The following WWOX variants were observed in gnomAD, a reference collection of about 807,000 sequenced individuals.
The protein encoded by WWOX is WW domain-containing oxidoreductase.
In WWOX, 69 loss-of-function variants were observed where a neutral mutation model predicts 46.2. That is an observed-to-expected ratio of 1.49 (90% CI 1.23 to 1.82). The LOEUF is 1.82. Among genes scored for constraint, WWOX ranks in the 40% most tolerant of loss-of-function variants. The pLI is 0.00. For missense variants in WWOX, 919 were observed against 542.6 expected, an observed-to-expected ratio of 1.69 and a Z score of -6.89; for synonymous variants, 359 against 202.6, an observed-to-expected ratio of 1.77 and a Z score of -6.56.
At chr16:78,149,480 A>C (rs1425730244) in intron 4 of WWOX, among the ~76,000 whole-genome samples, 1 of 152,212 alleles carries the variant, frequency 6.6e-6, no homozygotes, top group Non-Finnish European at 1.5e-5. Flanking sequence ...AACATTTGCC[A>C]ATGCATCACT....
chr16:78,610,327 GA>G (rs1227043913), intron 8 of WWOX, among the ~76,000 whole-genome samples: 6 of 151,956 alleles, frequency 3.9e-5, no homozygotes, highest in African/African-American at 9.7e-5. Flanking sequence ...CATAGAGGGG[GA>G]AAAAAAGATT....
chr16:78,715,465 C>A (rs1442610375), intron 8 of WWOX, among the ~76,000 whole-genome samples: 1 of 151,564 alleles, frequency 6.6e-6, no homozygotes, highest in African/African-American at 2.4e-5. Context: ...TCCACCCCAC[C>A]CCCACCCCTA....
intron 8 of WWOX, among the ~76,000 whole-genome samples, chr16:78,573,153 C>T (rs369766613): frequency 1.3e-5 from 2 of 152,102 alleles, no homozygotes; most frequent in East Asian, 1.9e-4. Flanking sequence ...GGCATGGTGG[C>T]GGGGTGCCTG....
chr16:79,021,594 T>C (rs1175776983), intron 8 of WWOX, among the ~76,000 whole-genome samples: 7 of 152,222 alleles, frequency 4.6e-5, no homozygotes, highest in Non-Finnish European at 1.0e-4. Context: ...AAACGATGTT[T>C]GGAAATAGCT....
At chr16:78,176,854 G>A (rs2035363671) in intron 5 of WWOX, among the ~76,000 whole-genome samples, 1 of 152,166 alleles carries the variant, frequency 6.6e-6, no homozygotes, top group African/African-American at 2.4e-5. Flanking sequence ...TTAAGGCAGG[G>A]AAGGATAGGA....
chr16:78,393,500 C>A (rs2151939034), intron 6 of WWOX, among the ~76,000 whole-genome samples: 1 of 152,170 alleles, frequency 6.6e-6, no homozygotes, highest in African/African-American at 2.4e-5. Context: ...CTCTATATTA[C>A]AAAATTTTTT....
At chr16:79,057,824 C>G (rs1264982427) in intron 8 of WWOX, among the ~76,000 whole-genome samples, 2 of 152,158 alleles carry the variant, frequency 1.3e-5, no homozygotes, top group Admixed American at 6.5e-5. Context: ...TTGCCAAGTT[C>G]CGCTGAGACT....
intron 7 of WWOX, among the ~76,000 whole-genome samples, chr16:78,426,487 C>T (rs1412391802): frequency 6.6e-6 from 1 of 152,090 alleles, no homozygotes; most frequent in African/African-American, 2.4e-5. Flanking sequence ...CTTCAGAGAT[C>T]CAAATCTCAG....
intron 8 of WWOX, among the ~76,000 whole-genome samples, chr16:78,527,293 TTTC>T (rs1371730535): frequency 4.5e-5 from 3 of 67,180 alleles, no homozygotes; most frequent in Admixed American, 2.3e-4. Context: ...TCTTTTTTTC[TTTC>T]TTTTTTTTTT....
chr16:79,112,610 T>C lies in WWOX; in HGVS notation c.1057-98998T>C, dbSNP rs558425027. Among the ~76,000 whole-genome samples, 15 of 152,378 alleles carry C rather than the reference T, an allele frequency of 9.8e-5. No homozygotes were observed. In the East Asian group the frequency reaches 2.9e-3, roughly 29 times the overall value. On this transcript the variant is annotated intron_variant, in intron 8 of 8. Coordinates refer to ENST00000566780, the MANE Select transcript of WWOX (RefSeq NM_016373.4). ...ATTTCTGATCTTTTCATCTCGGTTT[T>C]ATTTCTCACTCTCCCACTGCATAAA...
At chr16:78,964,035 C>G (rs558153615) in intron 8 of WWOX, among the ~76,000 whole-genome samples, 1 of 152,294 alleles carries the variant, frequency 6.6e-6, no homozygotes, top group East Asian at 1.9e-4. Context: ...CCTCCCCAGC[C>G]ATGTAGAACT....
intron 8 of WWOX, among the ~76,000 whole-genome samples, chr16:79,092,899 A>G (rs1425484327): frequency 6.6e-6 from 1 of 152,208 alleles, no homozygotes; most frequent in Non-Finnish European, 1.5e-5. Context: ...TCAACTAGAT[A>G]AGGCCCATTT....
intron 8 of WWOX, among the ~76,000 whole-genome samples, chr16:79,199,283 G>A (rs144490208): frequency 3.3e-5 from 5 of 152,040 alleles, no homozygotes; most frequent in African/African-American, 1.2e-4. Flanking sequence ...GGCTGGTCTC[G>A]AACTCCTGAC....
At chr16:78,530,944 G>C (rs556259870) in intron 8 of WWOX, among the ~76,000 whole-genome samples, 1 of 152,158 alleles carries the variant, frequency 6.6e-6, no homozygotes, top group Non-Finnish European at 1.5e-5. Flanking sequence ...ACTTAGTTGA[G>C]GGATGAAAAA....
At chr16:79,108,134 A>G (rs150315294) in intron 8 of WWOX, among the ~76,000 whole-genome samples, 78 of 152,344 alleles carry the variant, frequency 5.1e-4, no homozygotes, top group Middle Eastern at 3.4e-3. Context: ...GGAAACCTAA[A>G]TTCATAAAAT....
chr16:78,337,705 T>G (rs2151897488), intron 5 of WWOX, among the ~76,000 whole-genome samples: 1 of 151,120 alleles, frequency 6.6e-6, no homozygotes, highest in Middle Eastern at 3.4e-3. Flanking sequence ...TTCTGAGAAT[T>G]TAGGCGCTTT....
Position 79,183,034 on chromosome 16 carries a change from G to C in WWOX, c.1057-28574G>C, listed in dbSNP as rs190660272. On this transcript the variant is annotated intron_variant, in intron 8 of 8. Coordinates refer to ENST00000566780, the MANE Select transcript of WWOX (RefSeq NM_016373.4). ...GTCTGACACACATATTTCAGGAGGG[G>C]TCACCCCTGCCGTCTTCCATGTTGG... Among the ~76,000 whole-genome samples, 128 of 152,328 alleles carry C rather than the reference G, an allele frequency of 8.4e-4. 1 individual carries two copies. Among genetic ancestry groups the C allele is most frequent in the African/African-American group, 3.1e-3 (127 of 41,566 alleles).
intron 8 of WWOX, among the ~76,000 whole-genome samples, chr16:78,604,439 A>C (rs986198494): frequency 2.0e-5 from 3 of 152,126 alleles, no homozygotes; most frequent in Non-Finnish European, 4.4e-5. Flanking sequence ...TGATGCTGTG[A>C]GGGTGAGCAA....
intron 7 of WWOX, among the ~76,000 whole-genome samples, chr16:78,427,080 A>AG (rs1483367151): frequency 2.6e-5 from 4 of 152,316 alleles, no homozygotes; most frequent in African/African-American, 7.2e-5. Flanking sequence ...CTTGGTGCGT[A>AG]GGTGGTACGT....
Sources: gnomAD v4.1 joint callset for allele counts (sites outside exome capture counted in the v4.1 genomes callset) on GRCh38, gnomAD v4.1.1 for gene constraint, MANE v1.5 for transcripts, NCBI Gene and HGNC (gene_info 2026-07-23, HGNC 2026-07-21) for gene names.